The following LRMDA variants were observed in gnomAD, a reference collection of about 807,000 sequenced individuals.
The protein encoded by LRMDA is leucine-rich melanocyte differentiation-associated protein.
In LRMDA, 18 loss-of-function variants were observed where a neutral mutation model predicts 29.8. That is an observed-to-expected ratio of 0.60 (90% confidence interval 0.42 to 0.90). LRMDA has a LOEUF of 0.90. Among genes scored for constraint, LRMDA ranks in the 40% least tolerant of loss-of-function variants. LRMDA has a pLI of 0.00. For missense variants in LRMDA, 273 were observed against 273.9 expected, an observed-to-expected ratio of 1.00 and a Z score of 0.02; for synonymous variants, 125 against 109.4, an observed-to-expected ratio of 1.14 and a Z score of -0.89.
chr10:75,575,780 C>T (rs1414639881), intron 2 of LRMDA, among the ~76,000 whole-genome samples: 1 of 152,124 alleles, frequency 6.6e-6, no homozygotes, highest in Non-Finnish European at 1.5e-5. Context: ...TGGGGAACTC[C>T]CCCTCCTAGC....
chr10:76,536,283 A>G lies in LRMDA; in HGVS notation c.602-20926A>G, dbSNP rs144120486. On this transcript the variant is annotated intron_variant, in intron 6 of 6. Coordinates refer to ENST00000611255, the MANE Select transcript of LRMDA (RefSeq NM_001305581.2). ...TAGTAACATTTCCCCAATTTTCCCA[A>G]TGGTGTCTCTTGTAACTCTTTTTGT... 3.8e-3 allele frequency among the ~76,000 whole-genome samples: 574 copies of G among 152,270 alleles called. 1 individual carries two copies. The highest frequency in any genetic ancestry group is 6.8e-3 in the Non-Finnish European group (461 of 68,024).
chr10:76,162,404 C>T (rs1439683519), intron 5 of LRMDA, among the ~76,000 whole-genome samples: 2 of 152,148 alleles, frequency 1.3e-5, no homozygotes, highest in East Asian at 1.9e-4. Context: ...AGTCAATTCT[C>T]GCATTGCTAC....
intron 5 of LRMDA, among the ~76,000 whole-genome samples, chr10:76,252,213 A>G (rs759704301): frequency 1.2e-4 from 18 of 152,210 alleles, no homozygotes; most frequent in Non-Finnish European, 2.9e-5. Context: ...GAACGTTCAC[A>G]TGGACGCAGG....
intron 5 of LRMDA, among the ~76,000 whole-genome samples, chr10:76,285,701 G>A (rs944194714): frequency 2.6e-5 from 4 of 152,174 alleles, no homozygotes; most frequent in African/African-American, 7.2e-5. Context: ...TCTTTATGAG[G>A]GATGGAGACA....
At chr10:76,032,205 G>A (rs1848160729) in intron 2 of LRMDA, among the ~76,000 whole-genome samples, 1 of 152,186 alleles carries the variant, frequency 6.6e-6, no homozygotes. Flanking sequence ...AAAGGATGAA[G>A]GTCACTGATT....
At chr10:75,676,133 GC>G (rs151074341) in intron 2 of LRMDA, among the ~76,000 whole-genome samples, 4,587 of 152,248 alleles carry the variant, frequency 0.03, 246 homozygotes, top group African/African-American at 0.11. Flanking sequence ...CCAGGTTACT[GC>G]CTTTGATTCC....
Position 75,461,458 on chromosome 10 carries a change from G to A in LRMDA, c.131+22964G>A, listed in dbSNP as rs191536560. Among the ~76,000 whole-genome samples, 220 of 152,246 alleles carry A rather than the reference G, an allele frequency of 1.4e-3. 1 individual carries two copies. Among genetic ancestry groups the A allele is most frequent in the Middle Eastern group, 6.8e-3 (2 of 294 alleles). Reference sequence around the variant, plus strand: ...GGCCTACTTAGGGGAGAAGGGCAGTGGAAGGTGAGAGAGACCTGCCTGCTT... The same window carrying A: ...GGCCTACTTAGGGGAGAAGGGCAGTAGAAGGTGAGAGAGACCTGCCTGCTT... On this transcript the variant is annotated intron_variant, in intron 2 of 6. Transcript: ENST00000611255.
chr10:75,641,213 C>G (rs1300685018), intron 2 of LRMDA, among the ~76,000 whole-genome samples: 1 of 152,064 alleles, frequency 6.6e-6, no homozygotes, highest in Non-Finnish European at 1.5e-5. Context: ...CCAGTGCACC[C>G]TTGGGAGGTT....
chr10:75,748,558 C>T (rs2132216428), intron 2 of LRMDA, among the ~76,000 whole-genome samples: 1 of 152,206 alleles, frequency 6.6e-6, no homozygotes, highest in African/African-American at 2.4e-5. Flanking sequence ...GGGCCAGGCC[C>T]TGTGCTTCTC....
chr10:75,431,766 C>T lies in LRMDA; in HGVS notation c.30+12C>T. 1 of 1,362,556 alleles carries T rather than the reference C, an allele frequency of 7.3e-7. No individual in the cohort carries two copies. Among genetic ancestry groups the T allele is most frequent in the Non-Finnish European group, 9.5e-7 (1 of 1,051,706 alleles). 84.4% of individuals were successfully genotyped at this position (1,362,556 alleles called of 1,614,324 possible). ...TGCGTGGAACTCAAGTAAGTCCCGG[C>T]CAGCCCCGCCTCCGCCCGGGGCGCA... On this transcript the variant is annotated intron_variant, in intron 1 of 6. Coordinates refer to ENST00000611255, the MANE Select transcript of LRMDA (RefSeq NM_001305581.2).
At chr10:76,230,523 A>G (rs1852038442) in intron 5 of LRMDA, among the ~76,000 whole-genome samples, 1 of 151,206 alleles carries the variant, frequency 6.6e-6, no homozygotes, top group African/African-American at 2.4e-5. Context: ...TAAAACAACT[A>G]GCATGATTTT....
intron 2 of LRMDA, among the ~76,000 whole-genome samples, chr10:75,964,315 C>A (rs1322142138): frequency 2.0e-5 from 3 of 152,132 alleles, no homozygotes; most frequent in African/African-American, 4.8e-5. Context: ...ATTAACACAC[C>A]ATCCAGAGGA....
At chr10:75,453,713 T>C (rs1844484697) in intron 2 of LRMDA, among the ~76,000 whole-genome samples, 1 of 152,158 alleles carries the variant, frequency 6.6e-6, no homozygotes, top group Admixed American at 6.5e-5. Flanking sequence ...GAGCAGAAGG[T>C]GAGAGGGGAT....
At chr10:75,906,697 A>C in intron 2 of LRMDA, among the ~76,000 whole-genome samples, 1 of 152,262 alleles carries the variant, frequency 6.6e-6, no homozygotes, top group East Asian at 1.9e-4. Context: ...TAATAATAAA[A>C]TACAAATCCA....
At chr10:76,204,626 A>G (rs531007283) in intron 5 of LRMDA, among the ~76,000 whole-genome samples, 3 of 152,324 alleles carry the variant, frequency 2.0e-5, no homozygotes, top group East Asian at 3.9e-4. Context: ...CTAATCCCCA[A>G]TTGTAGGTCC....
intron 6 of LRMDA, among the ~76,000 whole-genome samples, chr10:76,428,313 G>C (rs1224965463): frequency 1.3e-5 from 2 of 152,066 alleles, no homozygotes; most frequent in African/African-American, 4.8e-5. Flanking sequence ...ACTTGTTTTT[G>C]AAAGCTCATA....
chr10:76,189,470 C>A (rs939198115), intron 5 of LRMDA, among the ~76,000 whole-genome samples: 4 of 152,112 alleles, frequency 2.6e-5, no homozygotes, highest in African/African-American at 9.7e-5. Context: ...GACAGTACCA[C>A]CCTGTTTTTG....
At chr10:75,492,255 C>G (rs1589159237) in intron 2 of LRMDA, among the ~76,000 whole-genome samples, 1 of 152,156 alleles carries the variant, frequency 6.6e-6, no homozygotes, top group Non-Finnish European at 1.5e-5. Flanking sequence ...TCATAATCCC[C>G]TTATCTGTGC....
chr10:75,634,811 G>A (rs1167866401), intron 2 of LRMDA, among the ~76,000 whole-genome samples: 4 of 152,138 alleles, frequency 2.6e-5, no homozygotes, highest in Non-Finnish European at 1.5e-5. Flanking sequence ...AAAAATGGAG[G>A]GGAGGGGTGG....
Sources: gnomAD v4.1 joint callset for allele counts (sites outside exome capture counted in the v4.1 genomes callset) on GRCh38, gnomAD v4.1.1 for gene constraint, MANE v1.5 for transcripts, NCBI Gene and HGNC (gene_info 2026-07-23, HGNC 2026-07-21) for gene names.